SNRPG: variants seen among roughly 807,000 people sequenced by gnomAD.
SNRPG encodes the protein small nuclear ribonucleoprotein polypeptide G, also known as small nuclear ribonucleoprotein G.
In SNRPG, 3 loss-of-function variants were observed where a neutral mutation model predicts 13.9. The observed-to-expected ratio is 0.22, with a 90% CI of 0.10 to 0.56. The LOEUF (loss-of-function observed/expected upper bound fraction) is 0.56, where lower values mean the gene tolerates loss of function less well. SNRPG is among the 20% of genes least tolerant of loss of function. The pLI is 0.93. For synonymous variants in SNRPG, 29 were observed against 29.3 expected, an observed-to-expected ratio of 0.99 and a Z score of 0.03; for missense variants, 34 against 96.1, an observed-to-expected ratio of 0.35 and a Z score of 2.70.
chr2:70,293,051 T>C (rs1460859825), intron 1 of SNRPG: 11 of 677,182 alleles, frequency 1.6e-5, no homozygotes, highest in South Asian at 3.1e-5. Flanking sequence ...TGTTCTTATA[T>C]AGTTTCAACA....
rs1430225223 is a variant in SNRPG at position 70,286,120 on chromosome 2, G to T, written c.180+1948C>A. 2.0e-5 allele frequency among the ~76,000 whole-genome samples: 3 copies of T among 152,068 alleles called. No homozygotes were observed. The East Asian group carries it at 5.8e-4, about 29-fold the overall frequency. ...TTTCTAATTTTTTTGTAGAGATGAG[G>T]TCTCACTATGTTGCCCAGGCTGATC... On this transcript the variant is annotated intron_variant, in intron 3 of 3. Transcript: ENST00000272348.
At chr2:70,293,465 T>A (rs942255439) in intron 1 of SNRPG, 153 bp downstream of exon 1, 2 of 772,992 alleles carry the variant, frequency 2.6e-6, no homozygotes, top group East Asian at 2.5e-5. Flanking sequence ...TCACGTCTCA[T>A]GCGCGGGAGC....
chr2:70,293,012 T>C (rs1697141331), intron 1 of SNRPG: 1 of 618,868 alleles, frequency 1.6e-6, no homozygotes, highest in Non-Finnish European at 2.9e-6. Flanking sequence ...TAGAAAAAAT[T>C]AATGTTCTTA....
intron 3 of SNRPG, among the ~76,000 whole-genome samples, chr2:70,282,201 C>T (rs778531011): frequency 3.0e-4 from 45 of 152,156 alleles, no homozygotes; most frequent in Non-Finnish European, 5.6e-4. Flanking sequence ...CAGGCGTGAG[C>T]TACTACGCCT....
intron 2 of SNRPG, among the ~76,000 whole-genome samples, chr2:70,288,450 G>C (rs1696996646): frequency 1.3e-5 from 2 of 152,218 alleles, no homozygotes; most frequent in South Asian, 2.1e-4. Context: ...ATAAAGATGG[G>C]GGCTCCCTAT....
At chr2:70,282,781 G>A (rs908530385) in intron 3 of SNRPG, among the ~76,000 whole-genome samples, 8 of 152,170 alleles carry the variant, frequency 5.3e-5, no homozygotes, top group African/African-American at 1.9e-4. Flanking sequence ...TGACCTAGTA[G>A]ATAAGCCATA....
intron 2 of SNRPG, 30 bp from the exon 3 acceptor site, chr2:70,288,222 A>G: frequency 6.3e-7 from 1 of 1,593,648 alleles, no homozygotes; most frequent in Middle Eastern, 1.7e-4. Context: ...AAGTTTTAGA[A>G]AAACATTCCA....
intron 3 of SNRPG, among the ~76,000 whole-genome samples, chr2:70,283,113 A>AAAAAAAAAAAAAAAAAAAAAAAC (rs1696848080): frequency 1.4e-5 from 2 of 147,812 alleles, no homozygotes; most frequent in African/African-American, 5.0e-5. Flanking sequence ...AAAAAAAAAA[A>AAAAAAAAAAAAAAAAAAAAAAAC]AAAAAAAAAA....
At chr2:70,293,580 T>A (rs561201852) in intron 1 of SNRPG, 38 bp downstream of exon 1, 1 of 1,587,440 alleles carries the variant, frequency 6.3e-7, no homozygotes, top group South Asian at 1.1e-5. Flanking sequence ...AGGACGCAAA[T>A]AACTGACCAC....
intron 1 of SNRPG, among the ~76,000 whole-genome samples, chr2:70,290,209 A>G (rs900185076): frequency 1.5e-4 from 23 of 152,144 alleles, no homozygotes; most frequent in Admixed American, 1.4e-3. Flanking sequence ...AGACTTGCCT[A>G]TGTTTGGTTA....
chr2:70,293,483 G>C (rs1321413454), intron 1 of SNRPG, 135 bp downstream of exon 1: 13 of 847,354 alleles, frequency 1.5e-5, no homozygotes, highest in Non-Finnish European at 2.5e-5. Context: ...AGCCTGGCCG[G>C]GATCCCGGCG....
chr2:70,282,559 G>A (rs1360967905), intron 3 of SNRPG, among the ~76,000 whole-genome samples: 1 of 152,106 alleles, frequency 6.6e-6, no homozygotes, highest in Admixed American at 6.6e-5. Flanking sequence ...AAAGATAGTT[G>A]GCATTCAATC....
chr2:70,284,491 C>G (rs573706646), intron 3 of SNRPG, among the ~76,000 whole-genome samples: 1 of 152,234 alleles, frequency 6.6e-6, no homozygotes, highest in African/African-American at 2.4e-5. Flanking sequence ...TCAAGTGATC[C>G]TCCCACTTCA....
At chr2:70,282,379 G>C (rs986426003) in intron 3 of SNRPG, among the ~76,000 whole-genome samples, 1 of 152,114 alleles carries the variant, frequency 6.6e-6, no homozygotes, top group South Asian at 2.1e-4. Flanking sequence ...ATTGTGAAAG[G>C]CATGCTTTAT....
At chr2:70,288,572 T>G (rs987634026) in intron 2 of SNRPG, among the ~76,000 whole-genome samples, 1 of 152,130 alleles carries the variant, frequency 6.6e-6, no homozygotes, top group Non-Finnish European at 1.5e-5. Context: ...TTTAAGTAAC[T>G]GGGTTCATGG....
At position 70,288,258 on chromosome 2, in the gene SNRPG, T is replaced by C. The variant is rs574879383; in HGVS notation, c.56-66A>G. On this transcript the variant is annotated intron_variant, in intron 2 of 3. Coordinates refer to ENST00000272348, the MANE Select transcript of SNRPG (RefSeq NM_003096.4). ...TTAGCTACCAAGCATTCACTAAAAATCAGGTGGGATAAAACACAAGTATTT... is the reference window on the plus strand; with the variant it reads ...TTAGCTACCAAGCATTCACTAAAAACCAGGTGGGATAAAACACAAGTATTT... 25 of 1,388,984 alleles carry C rather than the reference T, an allele frequency of 1.8e-5. No homozygotes were observed. In the South Asian group the frequency reaches 2.7e-4, roughly 15 times the overall value. 86.0% of individuals were successfully genotyped at this position (1,388,984 alleles called of 1,614,324 possible).
intron 1 of SNRPG, among the ~76,000 whole-genome samples, chr2:70,292,343 TGCA>T (rs1697121408): frequency 2.6e-5 from 4 of 152,020 alleles, no homozygotes; most frequent in South Asian, 2.1e-4. Context: ...GACCTTTAAA[TGCA>T]AAAATATTAT....
At position 70,281,384 on chromosome 2, in the gene SNRPG, A is replaced by G. The variant is rs778147781; in HGVS notation, c.*250T>C. The stretch of plus-strand genomic sequence containing the variant: ...GAATCCTTGCCATGTTTCACATTTA[A>G]TAAGATTCTTTCACTTTAATGCATA... On this transcript the variant is annotated 3_prime_UTR_variant, in exon 4 of 4. Transcript: ENST00000272348. 2 of 309,650 alleles carry G rather than the reference A, an allele frequency of 6.5e-6. No homozygotes were observed. The highest frequency in any genetic ancestry group is 1.2e-5 in the Non-Finnish European group (2 of 160,836). 19.2% of individuals were successfully genotyped at this position (309,650 alleles called of 1,614,324 possible). A position where few individuals can be genotyped will look rare whatever the true frequency, so the allele number is the denominator to read the frequency against.
At chr2:70,292,987 T>G in intron 1 of SNRPG, 1 of 596,176 alleles carries the variant, frequency 1.7e-6, no homozygotes, top group Non-Finnish European at 3.0e-6. Flanking sequence ...CTTCAAAAAA[T>G]TAGCCTTCTC....
Sources: allele counts gnomAD v4.1 joint callset (sites outside exome capture counted in the v4.1 genomes callset), GRCh38; gene constraint gnomAD v4.1.1; transcripts MANE v1.5; gene names NCBI Gene and HGNC (gene_info 2026-07-23, HGNC 2026-07-21).